NALCN: variants seen among roughly 807,000 people sequenced by gnomAD.
NALCN encodes the protein sodium leak channel, non-selective.
In NALCN, 111 loss-of-function variants were observed where a neutral mutation model predicts 225.3. The observed-to-expected ratio is 0.49, with a 90% CI of 0.42 to 0.58. NALCN has a LOEUF of 0.58. Among genes scored for constraint, NALCN ranks in the 20% least tolerant of loss-of-function variants. The pLI is 0.00. For synonymous variants in NALCN, 764 were observed against 769.0 expected, an observed-to-expected ratio of 0.99 and a Z score of 0.11; for missense variants, 1,378 against 2,202.4, an observed-to-expected ratio of 0.63 and a Z score of 7.49.
chr13:101,055,264 C>T lies in NALCN; in HGVS notation c.*31G>A. On this transcript the variant is annotated 3_prime_UTR_variant, in exon 44 of 44. Transcript: ENST00000251127. ...GGACATTATTAGAAAACGGTTTCCA[C>T]CACTAGAAATTCATCTACATTGACA... 6.3e-7 allele frequency: 1 copy of T among 1,577,918 alleles called. No homozygotes were observed. Among genetic ancestry groups the T allele is most frequent in the South Asian group, 1.1e-5 (1 of 88,286 alleles).
chr13:101,202,723 G>C (rs758562236), intron 13 of NALCN, among the ~76,000 whole-genome samples: 81 of 152,130 alleles, frequency 5.3e-4, no homozygotes, highest in South Asian at 6.2e-4. Flanking sequence ...CAAAGCTCCT[G>C]CTCCCATTAG....
At chr13:101,378,728 A>T (rs1202681980) in intron 3 of NALCN, 75 bp from the exon 4 acceptor site, 11 of 1,245,942 alleles carry the variant, frequency 8.8e-6, no homozygotes, top group Non-Finnish European at 1.3e-5. Context: ...GAAAATGTCA[A>T]ATATTATTTC....
At chr13:101,110,784 C>T in intron 19 of NALCN, 96 bp from the exon 20 acceptor site, 13 of 1,210,628 alleles carry the variant, frequency 1.1e-5, no homozygotes, top group Non-Finnish European at 1.6e-5. Context: ...ACTTTTTCTG[C>T]TACAACGCCA....
chr13:101,308,740 T>C (rs997637468), intron 7 of NALCN, among the ~76,000 whole-genome samples: 3 of 152,182 alleles, frequency 2.0e-5, no homozygotes, highest in African/African-American at 7.2e-5. Context: ...TTTTAGGATT[T>C]CACACAAGTA....
intron 12 of NALCN, among the ~76,000 whole-genome samples, chr13:101,236,435 A>G (rs2041556866): frequency 6.6e-6 from 1 of 152,058 alleles, no homozygotes; most frequent in African/African-American, 2.4e-5. Context: ...AGGACTATAA[A>G]TCATGCTGCT....
At chr13:101,070,810 A>C (rs607448) in intron 37 of NALCN, among the ~76,000 whole-genome samples, 115,566 of 152,114 alleles carry the variant, frequency 0.76, 44,784 homozygotes, top group African/African-American at 0.89. Flanking sequence ...GTATTAGTCC[A>C]TTCTCACACT....
intron 13 of NALCN, among the ~76,000 whole-genome samples, chr13:101,227,251 ATCC>A (rs1237437379): frequency 1.3e-5 from 2 of 152,064 alleles, no homozygotes; most frequent in Non-Finnish European, 2.9e-5. Context: ...CTTTGCCATC[ATCC>A]TCCTTATCTC....
chr13:101,104,228 A>G lies in NALCN; in HGVS notation c.2889+67T>C. 1 of 1,536,114 alleles carries G rather than the reference A, an allele frequency of 6.5e-7. No individual in the cohort carries two copies. Among genetic ancestry groups the G allele is most frequent in the Non-Finnish European group, 8.7e-7 (1 of 1,144,962 alleles). On this transcript the variant is annotated intron_variant, in intron 25 of 43. Coordinates refer to ENST00000251127, the MANE Select transcript of NALCN (RefSeq NM_052867.4). The surrounding 1 kb of genome is among the most constrained non-coding windows in gnomAD (Gnocchi z 4.2). The stretch of plus-strand genomic sequence containing the variant: ...TGTAACTCATACCTCTTGCGCTTAT[A>G]CCAAGAAATGCAGGAGATTTTACAA...
At chr13:101,118,137 A>G (rs904892734) in intron 18 of NALCN, among the ~76,000 whole-genome samples, 2 of 152,058 alleles carry the variant, frequency 1.3e-5, no homozygotes, top group African/African-American at 4.8e-5. Context: ...TACCACTCTG[A>G]TGGGGATGTT....
chr13:101,160,905 T>C (rs966047743), intron 15 of NALCN, among the ~76,000 whole-genome samples: 4 of 152,158 alleles, frequency 2.6e-5, no homozygotes, highest in Admixed American at 2.0e-4. Flanking sequence ...ATACAGAAAA[T>C]GTTGACTATT....
At chr13:101,057,821 G>A in intron 43 of NALCN, 118 bp downstream of exon 43, 1 of 814,022 alleles carries the variant, frequency 1.2e-6, no homozygotes, top group Non-Finnish European at 2.2e-6. Flanking sequence ...TTATGTTGCT[G>A]TCTGTAAACA....
chr13:101,108,483 C>T (rs2035260583), intron 20 of NALCN, among the ~76,000 whole-genome samples: 1 of 152,086 alleles, frequency 6.6e-6, no homozygotes, highest in African/African-American at 2.4e-5. Flanking sequence ...GGGTGAAAGG[C>T]ATAGAGAGAC....
intron 7 of NALCN, among the ~76,000 whole-genome samples, chr13:101,323,392 A>G (rs1435802253): frequency 6.6e-6 from 1 of 152,190 alleles, no homozygotes; most frequent in African/African-American, 2.4e-5. Flanking sequence ...ACATTAACAA[A>G]CAATCTGTAC....
chr13:101,132,627 C>G (rs954665956), intron 17 of NALCN, among the ~76,000 whole-genome samples: 2 of 151,940 alleles, frequency 1.3e-5, no homozygotes, highest in Non-Finnish European at 2.9e-5. Flanking sequence ...ATTATTATCT[C>G]TTTTTTCCAG....
intron 34 of NALCN, among the ~76,000 whole-genome samples, chr13:101,080,647 TATATA>T (rs1443424717): frequency 6.8e-6 from 1 of 146,276 alleles, no homozygotes; most frequent in South Asian, 2.1e-4. Context: ...AATATATTAA[TATATA>T]ATATATAACT....
At chr13:101,228,134 G>T (rs1480527213) in intron 13 of NALCN, among the ~76,000 whole-genome samples, 1 of 151,902 alleles carries the variant, frequency 6.6e-6, no homozygotes, top group Non-Finnish European at 1.5e-5. Context: ...TAAATGACCA[G>T]ATGCTTTAAA....
At chr13:101,322,721 T>C (rs995389183) in intron 7 of NALCN, among the ~76,000 whole-genome samples, 4 of 152,172 alleles carry the variant, frequency 2.6e-5, no homozygotes, top group Admixed American at 1.3e-4. Context: ...TTTTTATTTT[T>C]TATTTTTTTG....
chr13:101,325,024 G>T (rs192105917), intron 7 of NALCN, among the ~76,000 whole-genome samples: 1 of 152,202 alleles, frequency 6.6e-6, no homozygotes, highest in African/African-American at 2.4e-5. Flanking sequence ...TTCCTTAAAG[G>T]ATTAAACTTC....
At chr13:101,290,777 C>A (rs1400334826) in intron 9 of NALCN, among the ~76,000 whole-genome samples, 2 of 152,156 alleles carry the variant, frequency 1.3e-5, no homozygotes, top group Non-Finnish European at 2.9e-5. Flanking sequence ...TACACCTCGG[C>A]TCCTTGATAG....
Sources: gnomAD v4.1 joint callset for allele counts (sites outside exome capture counted in the v4.1 genomes callset) on GRCh38, gnomAD v4.1.1 for gene constraint, Gnocchi (gnomAD v3.1) non-coding constraint, MANE v1.5 for transcripts, NCBI Gene and HGNC (gene_info 2026-07-23, HGNC 2026-07-21) for gene names.